The following KIAA1217 variants were observed in gnomAD, a reference collection of about 807,000 sequenced individuals.
The protein encoded by KIAA1217 is sickle tail protein homolog.
Under a neutral mutation model 163.9 loss-of-function variants are expected in KIAA1217, and 88 were observed. The observed-to-expected ratio is 0.54, with a 90% confidence interval of 0.45 to 0.64. The LOEUF is 0.64. Among genes scored for constraint, KIAA1217 ranks in the 30% least tolerant of loss-of-function variants. KIAA1217 has a pLI of 0.00. For missense variants in KIAA1217, 2,372 were observed against 2,475.0 expected (o/e 0.96, Z 0.88); for synonymous variants, 903 against 923.1 (o/e 0.98, Z 0.39).
At chr10:24,074,175 A>G (rs1050897665) in intron 2 of KIAA1217, among the ~76,000 whole-genome samples, 4 of 152,064 alleles carry the variant, frequency 2.6e-5, no homozygotes, top group African/African-American at 9.7e-5. Flanking sequence ...ATGGTGAAAC[A>G]CCATCTCTAC....
chr10:24,495,559 C>G (rs950488605), intron 8 of KIAA1217, among the ~76,000 whole-genome samples: 3 of 152,202 alleles, frequency 2.0e-5, no homozygotes, highest in African/African-American at 4.8e-5. Flanking sequence ...AAATGTTTCA[C>G]CAATAGGACT....
chr10:23,970,369 G>A (rs1459098889), intron 1 of KIAA1217, among the ~76,000 whole-genome samples: 1 of 152,184 alleles, frequency 6.6e-6, no homozygotes, highest in African/African-American at 2.4e-5. Flanking sequence ...TTAGGCTGAA[G>A]GAAGTAAGTC....
intron 2 of KIAA1217, among the ~76,000 whole-genome samples, chr10:24,341,382 T>TA (rs764783019): frequency 1.7e-4 from 25 of 144,958 alleles, no homozygotes; most frequent in South Asian, 2.2e-4. Context: ...CTTCCGGTCC[T>TA]AAAAAAAAAA....
At chr10:23,875,274 T>C (rs866035299) in intron 1 of KIAA1217, among the ~76,000 whole-genome samples, 6 of 152,002 alleles carry the variant, frequency 3.9e-5, no homozygotes, top group African/African-American at 1.4e-4. Flanking sequence ...GATCCCTCTT[T>C]ATAGAAACAG....
intron 2 of KIAA1217, among the ~76,000 whole-genome samples, chr10:24,168,700 T>C (rs1053831305): frequency 6.6e-6 from 1 of 152,218 alleles, no homozygotes; most frequent in Non-Finnish European, 1.5e-5. Context: ...GCTGTCCCTG[T>C]TTCCTCTGTT....
chr10:24,455,995 C>G (rs892067588), intron 5 of KIAA1217, among the ~76,000 whole-genome samples: 3 of 152,156 alleles, frequency 2.0e-5, no homozygotes, highest in Non-Finnish European at 4.4e-5. Context: ...AAGAGATCCT[C>G]CCACCTTAGT....
At chr10:24,476,952 A>G (rs1057329761) in intron 6 of KIAA1217, among the ~76,000 whole-genome samples, 1 of 151,820 alleles carries the variant, frequency 6.6e-6, no homozygotes, top group Admixed American at 6.6e-5. Context: ...AGACCTAAAC[A>G]CTCCCCGCTA....
chr10:24,081,185 T>G (rs2061526333), intron 2 of KIAA1217, among the ~76,000 whole-genome samples: 1 of 152,206 alleles, frequency 6.6e-6, no homozygotes, highest in South Asian at 2.1e-4. Flanking sequence ...CAGTAGGATG[T>G]TTGGTGCCCC....
intron 1 of KIAA1217, among the ~76,000 whole-genome samples, chr10:23,782,112 C>A (rs1274366549): frequency 1.3e-5 from 2 of 151,934 alleles, no homozygotes; most frequent in African/African-American, 4.8e-5. Flanking sequence ...ATGCCATTGG[C>A]ATTTTGACAG....
chr10:24,310,788 G>A (rs970964266), intron 2 of KIAA1217, among the ~76,000 whole-genome samples: 1 of 152,158 alleles, frequency 6.6e-6, no homozygotes, highest in Non-Finnish European at 1.5e-5. Context: ...CTTGAGCCCA[G>A]GAGTTGGAGA....
chr10:24,182,374 G>T (rs1309407856), intron 2 of KIAA1217, among the ~76,000 whole-genome samples: 3 of 151,684 alleles, frequency 2.0e-5, no homozygotes, highest in African/African-American at 7.3e-5. Flanking sequence ...GAGGTGGGGG[G>T]AGGGCTGCAG....
At chr10:23,818,756 G>T (rs1271232123) in intron 1 of KIAA1217, among the ~76,000 whole-genome samples, 1 of 152,168 alleles carries the variant, frequency 6.6e-6, no homozygotes, top group East Asian at 1.9e-4. Flanking sequence ...TAAGGAAGTG[G>T]GAAGGGTTGG....
At chr10:24,175,054 G>T (rs768502522) in intron 2 of KIAA1217, among the ~76,000 whole-genome samples, 2 of 151,964 alleles carry the variant, frequency 1.3e-5, no homozygotes, top group African/African-American at 2.4e-5. Flanking sequence ...TAGAGACAGG[G>T]TCTCACTATG....
intron 5 of KIAA1217, among the ~76,000 whole-genome samples, chr10:24,447,865 C>T (rs1486432469): frequency 6.6e-6 from 1 of 152,160 alleles, no homozygotes; most frequent in East Asian, 1.9e-4. Flanking sequence ...AGCGCGGTGG[C>T]TCACACCTGT....
chr10:24,069,407 C>T (rs190087853), intron 2 of KIAA1217, among the ~76,000 whole-genome samples: 1 of 152,096 alleles, frequency 6.6e-6, no homozygotes, highest in African/African-American at 2.4e-5. Context: ...CACCTTTGTT[C>T]TCTGTAGCCC....
intron 2 of KIAA1217, among the ~76,000 whole-genome samples, chr10:24,345,858 G>A (rs568265798): frequency 6.6e-5 from 10 of 152,112 alleles, no homozygotes; most frequent in South Asian, 4.2e-4. Context: ...ATTTTAAAGC[G>A]TACAGTTCCG....
Position 24,473,774 on chromosome 10 carries a change from A to G in KIAA1217, c.1393A>G (p.Thr465Ala). The G allele has an allele frequency of 1.2e-6, 2 of 1,614,142 alleles. No homozygotes were observed. The highest frequency in any genetic ancestry group is 1.1e-5 in the South Asian group (1 of 91,086). The part of the protein sequence containing the change: ...SRKYPDSHLP[T>A]LGSKTPPASP... ...GAAATATCCGGATAGCCATTTGCCT[A>G]CACTGGGCTCCAAAACACCCCCTGC... is the stretch of plus-strand genomic sequence containing the variant. The change falls in exon 6 of 21, where the codon ACA (threonine) becomes GCA (alanine). Residue 465 changes from threonine (T) to alanine (A), a missense_variant. Physicochemically the swap from Thr to Ala is moderately conservative, Grantham distance 58. Transcript: ENST00000376454.
At chr10:24,050,052 T>A (rs546218787) in intron 2 of KIAA1217, among the ~76,000 whole-genome samples, 17 of 152,366 alleles carry the variant, frequency 1.1e-4, no homozygotes, top group African/African-American at 3.8e-4. Context: ...ATTTCTCTAA[T>A]GACCAGTGAT....
At chr10:23,859,536 G>T (rs1005947679) in intron 1 of KIAA1217, among the ~76,000 whole-genome samples, 24 of 152,152 alleles carry the variant, frequency 1.6e-4, no homozygotes, top group African/African-American at 5.8e-4. Flanking sequence ...TTGCTCTAGG[G>T]ACACCCAAGG....
Sources: gnomAD v4.1 joint callset for allele counts (sites outside exome capture counted in the v4.1 genomes callset) on GRCh38, gnomAD v4.1.1 for gene constraint, MANE v1.5 for transcripts, NCBI Gene and HGNC (gene_info 2026-07-23, HGNC 2026-07-21) for gene names.